NPAS3: variants seen among roughly 807,000 people sequenced by gnomAD.
NPAS3 encodes the protein neuronal PAS domain protein 3, also known as neuronal PAS domain-containing protein 3.
NPAS3 carries 14 observed loss-of-function variants against 73.1 expected under a neutral mutation model. The observed-to-expected ratio is 0.19, with a 90% CI of 0.13 to 0.30. NPAS3 has a LOEUF of 0.30. Among genes scored for constraint, NPAS3 ranks in the 10% least tolerant of loss-of-function variants. NPAS3 has a pLI of 1.00. For missense variants in NPAS3, 1,096 were observed against 1,250.0 expected (o/e 0.88, Z 1.86); for synonymous variants, 620 against 541.5 (o/e 1.14, Z -2.01).
At chr14:33,482,499 C>A (rs1048882007) in intron 4 of NPAS3, among the ~76,000 whole-genome samples, 2 of 152,096 alleles carry the variant, frequency 1.3e-5, no homozygotes, top group Admixed American at 1.3e-4. Flanking sequence ...TTTAAGATTA[C>A]AGAAGTTGAA....
chr14:33,128,690 G>A (rs1460024097), intron 2 of NPAS3, among the ~76,000 whole-genome samples: 2 of 152,144 alleles, frequency 1.3e-5, no homozygotes, highest in Admixed American at 1.3e-4. Context: ...TGCCGAGCCA[G>A]TATTGTATAC....
intron 1 of NPAS3, among the ~76,000 whole-genome samples, chr14:33,053,134 C>T (rs558297168): frequency 1.2e-4 from 19 of 152,044 alleles, no homozygotes; most frequent in South Asian, 2.1e-4. Context: ...AGGACTTGCC[C>T]GCTAATCTTT....
At chr14:33,565,000 C>T (rs1470438746) in intron 5 of NPAS3, among the ~76,000 whole-genome samples, 1 of 152,126 alleles carries the variant, frequency 6.6e-6, no homozygotes, top group African/African-American at 2.4e-5. Flanking sequence ...CTCACCAAGT[C>T]CTCACCCTTA....
rs1021032006 is a variant in NPAS3, at chr14:32,946,632, T to C, written c.50+7266T>C. Among the ~76,000 whole-genome samples the C allele has an allele frequency of 2.6e-5, 4 of 152,124 alleles. No homozygotes were observed. In the East Asian group the frequency reaches 7.7e-4, roughly 29 times the overall value. The stretch of plus-strand genomic sequence containing the variant: ...AACTAAATAGCTTCTTTAAAAATAA[T>C]AGGTATAATAGAAATTTCGGGCTTA... On this transcript the variant is annotated intron_variant, in intron 1 of 11. Transcript: ENST00000356141.
intron 2 of NPAS3, among the ~76,000 whole-genome samples, chr14:33,171,658 T>C (rs1016604630): frequency 2.0e-5 from 3 of 152,212 alleles, no homozygotes; most frequent in African/African-American, 7.2e-5. Context: ...TAAAACTTTC[T>C]CCCTGTCAGC....
chr14:33,275,633 A>G (rs772439199), intron 3 of NPAS3, among the ~76,000 whole-genome samples: 1 of 152,202 alleles, frequency 6.6e-6, no homozygotes, highest in Non-Finnish European at 1.5e-5. Flanking sequence ...AGATTCATCC[A>G]GGATGGAATT....
At chr14:33,612,291 A>G (rs1216549772) in intron 5 of NPAS3, 1 of 414,448 alleles carries the variant, frequency 2.4e-6, no homozygotes, top group Non-Finnish European at 4.9e-6. Flanking sequence ...CTCTCTTTCC[A>G]TTCACATTTG....
At chr14:33,641,483 A>T (rs2058673583) in intron 5 of NPAS3, among the ~76,000 whole-genome samples, 1 of 152,168 alleles carries the variant, frequency 6.6e-6, no homozygotes, top group African/African-American at 2.4e-5. Flanking sequence ...TTGTCATGTA[A>T]CACCACTGGT....
chr14:32,971,736 A>G (rs1233308081), intron 1 of NPAS3, among the ~76,000 whole-genome samples: 1 of 152,062 alleles, frequency 6.6e-6, no homozygotes, highest in Non-Finnish European at 1.5e-5. Flanking sequence ...AATGTGTTTT[A>G]TTTCTGCAAT....
intron 3 of NPAS3, among the ~76,000 whole-genome samples, chr14:33,335,628 T>C (rs1486633883): frequency 1.3e-5 from 2 of 152,180 alleles, no homozygotes; most frequent in Non-Finnish European, 2.9e-5. Context: ...GTTTGCATCA[T>C]ACTGCTAAGT....
intron 3 of NPAS3, among the ~76,000 whole-genome samples, chr14:33,279,739 C>G (rs774069030): frequency 1.3e-5 from 2 of 152,022 alleles, no homozygotes; most frequent in Non-Finnish European, 2.9e-5. Context: ...AGGAACAGTT[C>G]AGAAAAATAG....
At chr14:33,801,002 G>T (rs1295746585) in exon 12 of NPAS3, 3 of 1,588,150 alleles carry the variant, frequency 1.9e-6, no homozygotes, top group African/African-American at 1.3e-5. Flanking sequence ...GCAGATGCCC[G>T]CCGGCAACGT....
chr14:33,730,171 T>C (rs1481670701), intron 6 of NPAS3, among the ~76,000 whole-genome samples: 1 of 152,180 alleles, frequency 6.6e-6, no homozygotes, highest in Non-Finnish European at 1.5e-5. Flanking sequence ...TAGACTCATC[T>C]TAGCCCTGCT....
chr14:33,027,858 G>A (rs927225799), intron 1 of NPAS3, among the ~76,000 whole-genome samples: 22 of 152,162 alleles, frequency 1.4e-4, no homozygotes, highest in Non-Finnish European at 2.9e-4. Flanking sequence ...TCATGGAAAT[G>A]GGAATTGGCA....
intron 7 of NPAS3, among the ~76,000 whole-genome samples, chr14:33,735,838 A>C (rs185150915): frequency 1.6e-3 from 248 of 152,248 alleles, no homozygotes; most frequent in African/African-American, 5.7e-3. Flanking sequence ...TATTTATGGA[A>C]CGTGCAGTCA....
intron 1 of NPAS3, among the ~76,000 whole-genome samples, chr14:33,028,018 C>T (rs147259363): frequency 7.2e-5 from 11 of 152,176 alleles, no homozygotes; most frequent in African/African-American, 2.7e-4. Flanking sequence ...GCTACTTTCA[C>T]TTAACACATA....
intron 11 of NPAS3, among the ~76,000 whole-genome samples, chr14:33,798,818 G>A (rs1231451597): frequency 6.6e-6 from 1 of 152,054 alleles, no homozygotes; most frequent in African/African-American, 2.4e-5. Context: ...TTATATACTA[G>A]TGGGAAGAAG....
At chr14:33,040,213 C>A (rs1355838092) in intron 1 of NPAS3, among the ~76,000 whole-genome samples, 4 of 152,012 alleles carry the variant, frequency 2.6e-5, no homozygotes, top group African/African-American at 9.7e-5. Flanking sequence ...CTTAGGATGT[C>A]ATTTTAGCTG....
At chr14:32,950,767 C>T (rs1236725300) in intron 1 of NPAS3, among the ~76,000 whole-genome samples, 1 of 152,082 alleles carries the variant, frequency 6.6e-6, no homozygotes, top group Non-Finnish European at 1.5e-5. Context: ...ACGATAGTGA[C>T]ACCATCCTCT....
Sources: allele counts gnomAD v4.1 joint callset (sites outside exome capture counted in the v4.1 genomes callset), GRCh38; gene constraint gnomAD v4.1.1; transcripts MANE v1.5; gene names NCBI Gene and HGNC (gene_info 2026-07-23, HGNC 2026-07-21).